ABCC2: variants seen among roughly 807,000 people sequenced by gnomAD.
ABCC2 encodes the protein ATP-binding cassette sub-family C member 2.
In ABCC2, 157 loss-of-function variants were observed where a neutral mutation model predicts 173.4. The ratio of observed to expected loss-of-function variants is 0.91; its 90% CI spans 0.80 to 1.03. The LOEUF (loss-of-function observed/expected upper bound fraction) is 1.03. Ranked by LOEUF, ABCC2 falls within the 50% of genes least tolerant of loss-of-function variation. The pLI, the probability that ABCC2 is intolerant of heterozygous loss-of-function variation, is 0.00. For synonymous variants in ABCC2, 657 were observed against 693.5 expected (o/e 0.95, Z 0.83); for missense variants, 1,822 against 1,852.3 (o/e 0.98, Z 0.30).
intron 14 of ABCC2, among the ~76,000 whole-genome samples, chr10:99,810,790 C>T (rs374314347): frequency 2.9e-3 from 441 of 152,104 alleles, no homozygotes; most frequent in African/African-American, 9.6e-3. Context: ...TTTGGAAGGC[C>T]GAGGTGGGTG....
Position 99,818,799 on chromosome 10 carries a change from C to A in ABCC2, c.2281C>A (p.Leu761Ile). 1.2e-6 allele frequency: 2 copies of A among 1,614,048 alleles called. No homozygotes were observed. The highest frequency in any genetic ancestry group is 1.7e-6 in the Non-Finnish European group (2 of 1,180,028). ...TTATTTTCTTCTTCAGGGTATAAAT[C>A]TTAGTGGGGGTCAGAAGCAGCGGAT... ...LAEIGEKGIN[L>I]SGGQKQRISL... The change falls in exon 18 of 32, where the codon CTT becomes ATT. Residue 761 changes from leucine (L) to isoleucine (I), a missense_variant. Leu to Ile is a conservative substitution (Grantham distance 5). Coordinates refer to ENST00000647814, the MANE Select transcript of ABCC2 (RefSeq NM_000392.5).
chr10:99,787,269 C>T (rs1201638105), intron 2 of ABCC2, among the ~76,000 whole-genome samples: 12 of 152,156 alleles, frequency 7.9e-5, no homozygotes, highest in Admixed American at 7.9e-4. Flanking sequence ...TCCTCCTTCC[C>T]CTTATCCTTA....
intron 11 of ABCC2, among the ~76,000 whole-genome samples, chr10:99,806,619 C>T (rs2038110641): frequency 6.6e-6 from 1 of 152,124 alleles, no homozygotes; most frequent in Non-Finnish European, 1.5e-5. Context: ...ATTCCCTTGA[C>T]ATTGATTAGC....
chr10:99,811,664 G>GA, intron 15 of ABCC2, 62 bp downstream of exon 15: 1 of 1,572,482 alleles, frequency 6.4e-7, no homozygotes, highest in Non-Finnish European at 8.8e-7. Context: ...CCTATTCTCA[G>GA]AAAATTCCAT....
chr10:99,833,345 AG>A (rs1242013518), intron 23 of ABCC2, among the ~76,000 whole-genome samples: 1 of 152,262 alleles, frequency 6.6e-6, no homozygotes, highest in African/African-American at 2.4e-5. Flanking sequence ...TCTGGGAAAG[AG>A]AACACAGAGG....
At chr10:99,803,948 T>G in intron 9 of ABCC2, 71 bp from the exon 10 acceptor site, 7 of 1,597,710 alleles carry the variant, frequency 4.4e-6, no homozygotes, top group Non-Finnish European at 5.1e-6. Context: ...TCTCACTTCC[T>G]GAGCTTCCTC....
chr10:99,806,077 C>CTCTCTGTGTGTGTGTG (rs10644836), intron 11 of ABCC2, among the ~76,000 whole-genome samples: 107 of 148,146 alleles, frequency 7.2e-4, no homozygotes, highest in African/African-American at 2.6e-3. Flanking sequence ...CTCTCTCTGT[C>CTCTCTGTGTGTGTGTG]TGTGTGTGTG....
Position 99,851,523 on chromosome 10 carries a change from G to GA in ABCC2, c.4532dup (p.Ile1512AspfsTer8), listed in dbSNP as rs751065868. 3.1e-6 allele frequency: 5 copies of GA among 1,614,080 alleles called. No individual in the cohort carries two copies. The East Asian group carries it at 1.1e-4, about 36-fold the overall frequency. Reference sequence around the variant, plus strand: ...TCAGGGTAATGGTCCTAGACAACGGGAAGATTATAGAGTGCGGCAGCCCTG... The same window carrying GA: ...TCAGGGTAATGGTCCTAGACAACGGGAAAGATTATAGAGTGCGGCAGCCCTG... On this transcript the variant is annotated frameshift_variant, in exon 32 of 32. Transcript: ENST00000647814. LOFTEE classifies it low-confidence loss of function (END_TRUNC).
intron 27 of ABCC2, 59 bp from the exon 28 acceptor site, chr10:99,844,263 G>A: frequency 6.2e-7 from 1 of 1,606,544 alleles, no homozygotes; most frequent in Non-Finnish European, 8.5e-7. Flanking sequence ...GTCCTGGGTG[G>A]ACTGTTCGGC....
At chr10:99,783,887 T>C (rs1212305139) in intron 1 of ABCC2, among the ~76,000 whole-genome samples, 1 of 152,166 alleles carries the variant, frequency 6.6e-6, no homozygotes, top group Non-Finnish European at 1.5e-5. Flanking sequence ...CAAGCAATTC[T>C]TTAAAGAGTC....
chr10:99,787,297 T>C (rs1275115309), intron 2 of ABCC2, among the ~76,000 whole-genome samples: 1 of 152,218 alleles, frequency 6.6e-6, no homozygotes, highest in Non-Finnish European at 1.5e-5. Context: ...CTAAATCTCT[T>C]TTCTGTCTTT....
intron 2 of ABCC2, among the ~76,000 whole-genome samples, chr10:99,791,173 C>G (rs973115517): frequency 6.6e-6 from 1 of 152,040 alleles, no homozygotes; most frequent in African/African-American, 2.4e-5. Context: ...TTTGGGAGGC[C>G]GAGGCAGGCA....
intron 25 of ABCC2, 49 bp downstream of exon 25, chr10:99,836,339 T>TCCAAATAC: frequency 6.3e-7 from 1 of 1,592,444 alleles, no homozygotes; most frequent in Non-Finnish European, 8.6e-7. Flanking sequence ...TGGGGTTCTA[T>TCCAAATAC]ATGTTTGATA....
rs914174405 is a variant in ABCC2 at position 99,839,213 on chromosome 10, C to T, written c.3615-2754C>T. ...CCAACCCCCCCACCTCCCTCCCGGA[C>T]GGGCCGGCTGGCCGGGCGGGGGGCC... On this transcript the variant is annotated intron_variant, in intron 25 of 31. Coordinates refer to ENST00000647814, the MANE Select transcript of ABCC2 (RefSeq NM_000392.5). Among the ~76,000 whole-genome samples, 39 of 98,554 alleles carry T rather than the reference C, an allele frequency of 4.0e-4. 1 individual carries two copies. Among genetic ancestry groups the T allele is most frequent in the South Asian group, 1.0e-3 (3 of 2,948 alleles). 64.7% of individuals were successfully genotyped at this position (98,554 alleles called of 152,430 possible).
chr10:99,802,313 G>A, intron 9 of ABCC2, among the ~76,000 whole-genome samples: 1 of 152,070 alleles, frequency 6.6e-6, no homozygotes, highest in East Asian at 1.9e-4. Context: ...AATTCACAGG[G>A]CTATTGCCCT....
chr10:99,800,336 G>T (rs779909485), intron 8 of ABCC2, 50 bp from the exon 9 acceptor site: 1 of 1,598,616 alleles, frequency 6.3e-7, no homozygotes, highest in Non-Finnish European at 8.6e-7. Flanking sequence ...GAGGAGAGAG[G>T]CATCCTTGGA....
chr10:99,821,813 T>C (rs1044864413), intron 19 of ABCC2, among the ~76,000 whole-genome samples: 5 of 151,840 alleles, frequency 3.3e-5, no homozygotes, highest in African/African-American at 1.2e-4. Flanking sequence ...CCCTTTTCTT[T>C]TCGACAAAAC....
At chr10:99,850,157 C>T (rs955749839) in intron 30 of ABCC2, among the ~76,000 whole-genome samples, 1 of 152,190 alleles carries the variant, frequency 6.6e-6, no homozygotes, top group Non-Finnish European at 1.5e-5. Flanking sequence ...GTTGCTCCAC[C>T]CTATATTAAT....
At chr10:99,851,381 G>A (rs1244855550) in intron 31 of ABCC2, 121 bp from the exon 32 acceptor site, 1 of 1,170,432 alleles carries the variant, frequency 8.5e-7, no homozygotes, top group African/African-American at 1.5e-5. Flanking sequence ...GTGGCTCATT[G>A]ATTTTCACTG....
Sources: allele counts gnomAD v4.1 joint callset (sites outside exome capture counted in the v4.1 genomes callset), GRCh38; gene constraint gnomAD v4.1.1; transcripts MANE v1.5; gene names NCBI Gene and HGNC (gene_info 2026-07-23, HGNC 2026-07-21).